The following KIF2B variants were observed in gnomAD, a reference collection of about 807,000 sequenced individuals.
KIF2B encodes the protein kinesin family member 2B.
A neutral mutation model predicts 6.8 loss-of-function variants in KIF2B; 5 were observed. The observed-to-expected ratio is 0.74, with a 90% confidence interval of 0.39 to 1.55. The LOEUF (loss-of-function observed/expected upper bound fraction) is 1.55. Ranked by LOEUF, KIF2B falls within the 40% of genes most tolerant of loss-of-function variation. KIF2B has a pLI of 0.03. For synonymous variants in KIF2B, 370 were observed against 330.7 expected (o/e 1.12, Z -1.29); for missense variants, 908 against 831.3 (o/e 1.09, Z -1.13).
At position 53,824,406 on chromosome 17, in the gene KIF2B, C is replaced by T. The variant is rs766880434; in HGVS notation, c.1373C>T (p.Thr458Ile). ...LAGNERGADT[T>I]KASRKRQLEG... is the part of the protein sequence containing the mutation. ...GGGAATGAAAGAGGAGCAGATACAACCAAGGCCAGCCGGAAAAGGCAGCTG... is the reference window on the plus strand; with the variant it reads ...GGGAATGAAAGAGGAGCAGATACAATCAAGGCCAGCCGGAAAAGGCAGCTG... Residue 458 changes from threonine to isoleucine, a missense_variant, in exon 1 of 1, where the codon ACC (threonine) becomes ATC (isoleucine). By Grantham distance (89) the Thr-to-Ile change is moderately conservative. Transcript: ENST00000268919. The T allele has an allele frequency of 1.5e-5, 24 of 1,614,116 alleles. No homozygotes were observed. In the South Asian group the frequency reaches 2.5e-4, roughly 17 times the overall value.
Position 53,823,348 on chromosome 17 carries a change from C to T in KIF2B, c.315C>T (p.Ala105=). ...CCTTGGCTCTGGCGCCCTCTTCGGC[C>T]ATCAGGGACCAGCGTACCGCCACGA... The part of the protein sequence containing the change: ...LSPLALAPSS[A]IRDQRTATKW... Residue 105 remains alanine, a synonymous_variant, in exon 1 of 1, where the codon GCC becomes GCT. Transcript: ENST00000268919. 6 of 1,614,128 alleles carry T rather than the reference C, an allele frequency of 3.7e-6. No homozygotes were observed. The highest frequency in any genetic ancestry group is 4.2e-6 in the Non-Finnish European group (5 of 1,180,026).
In KIF2B at chr17:53,823,400, A is replaced by T. The variant is rs1368812806; in HGVS notation, c.367A>T (p.Asn123Tyr). Residue 123 changes from asparagine to tyrosine, a missense_variant, in exon 1 of 1, where the codon AAC becomes TAC. Asn to Tyr is a moderately radical substitution (Grantham distance 143, BLOSUM62 -2). Coordinates refer to ENST00000268919, the MANE Select transcript of KIF2B (RefSeq NM_032559.5). ...ATGGGTTGCGATGATCCCCCAGAAA[A>T]ACCAAACAGCCTCAGGGGACAGCCT... The part of the protein sequence containing the change: ...TKWVAMIPQK[N>Y]QTASGDSLDV... 3 of 1,614,028 alleles carry T rather than the reference A, an allele frequency of 1.9e-6. No individual in the cohort carries two copies. The highest frequency in any genetic ancestry group is 2.5e-6 in the Non-Finnish European group (3 of 1,180,006).
In KIF2B at chr17:53,823,190, A is replaced by T. The variant is rs1906448170; in HGVS notation, c.157A>T (p.Asn53Tyr). 3 of 1,614,142 alleles carry T rather than the reference A, an allele frequency of 1.9e-6. No homozygotes were observed. The highest frequency in any genetic ancestry group is 1.7e-6 in the Non-Finnish European group (2 of 1,180,034). Reference protein sequence around the residue: ...LAVVTEINRENYWVTVEWVEK... With the variant: ...LAVVTEINREYYWVTVEWVEK... ...TGTGGTCACGGAGATCAACAGAGAA[A>T]ACTATTGGGTCACGGTAGAGTGGGT... is the stretch of plus-strand genomic sequence containing the variant. The change falls in exon 1 of 1, where the codon AAC (asparagine) becomes TAC (tyrosine). Residue 53 changes from asparagine to tyrosine, a missense_variant. Asn to Tyr is a moderately radical substitution (Grantham distance 143). Coordinates refer to ENST00000268919, the MANE Select transcript of KIF2B (RefSeq NM_032559.5).
rs1906515415 is a variant in KIF2B at position 53,824,639 on chromosome 17, T to C, written c.1606T>C (p.Tyr536His). Residue 536 changes from tyrosine (Y) to histidine (H), a missense_variant, in exon 1 of 1, where the codon TAT becomes CAT. Tyr to His is a moderately conservative substitution (Grantham distance 83, BLOSUM62 2). Coordinates refer to ENST00000268919, the MANE Select transcript of KIF2B (RefSeq NM_032559.5). ...SCENTLNTLRYANRVKKLNVD... is the reference protein window; with the variant it reads ...SCENTLNTLRHANRVKKLNVD... The stretch of plus-strand genomic sequence containing the variant: ...TGAAAACACTCTCAACACTTTAAGA[T>C]ATGCAAACAGAGTAAAAAAATTAAA... 6.2e-7 allele frequency: 1 copy of C among 1,613,992 alleles called. No homozygotes were observed. Among genetic ancestry groups the C allele is most frequent in the Non-Finnish European group, 8.5e-7 (1 of 1,180,032 alleles).
At position 53,824,067 on chromosome 17, in the gene KIF2B, A is replaced by G. The variant is rs1343420004; in HGVS notation, c.1034A>G (p.Tyr345Cys). Residue 345 changes from tyrosine to cysteine, a missense_variant, in exon 1 of 1, where the codon TAT (tyrosine) becomes TGT (cysteine). Physicochemically the swap from Tyr to Cys is radical, Grantham distance 194. Coordinates refer to ENST00000268919, the MANE Select transcript of KIF2B (RefSeq NM_032559.5). ...TTTCTCCTGCTCAGAAACTCCACAT[A>G]TGAGAAGCTGGACCTCAAAGTCTAT... ...DVFLLLRNST[Y>C]EKLDLKVYGT... 3 of 1,614,184 alleles carry G rather than the reference A, an allele frequency of 1.9e-6. No homozygotes were observed. Among genetic ancestry groups the G allele is most frequent in the East Asian group, 2.2e-5 (1 of 44,864 alleles).
chr17:53,824,727 T>A lies in KIF2B; in HGVS notation c.1694T>A (p.Leu565Ter). The A allele has an allele frequency of 6.2e-7, 1 of 1,614,208 alleles. No individual in the cohort carries two copies. Among genetic ancestry groups the A allele is most frequent in the South Asian group, 1.1e-5 (1 of 91,086 alleles). Residue 565 changes from leucine to a stop codon, truncating the protein, a stop_gained, in exon 1 of 1, where the codon TTA becomes TAA. Transcript: ENST00000268919. LOFTEE classifies it low-confidence loss of function (END_TRUNC). ...ATTGGACATGAGGCACCAAGGATGT[T>A]AAAAAGTCACATCGGAAATTCAGAA... ...YPIGHEAPRM[L>*]KSHIGNSEMS... is the part of the protein sequence containing the mutation.
At position 53,823,184 on chromosome 17, in the gene KIF2B, A is replaced by G; in HGVS notation, c.151A>G (p.Arg51Gly). Residue 51 changes from arginine to glycine, a missense_variant, in exon 1 of 1, where the codon AGA becomes GGA. Transcript: ENST00000268919. ...CCTCGCTGTGGTCACGGAGATCAAC[A>G]GAGAAAACTATTGGGTCACGGTAGA... Reference protein sequence around the residue: ...IHLAVVTEINRENYWVTVEWV... With the variant: ...IHLAVVTEINGENYWVTVEWV... The G allele has an allele frequency of 6.2e-7, 1 of 1,614,214 alleles. No homozygotes were observed. The highest frequency in any genetic ancestry group is 1.1e-5 in the South Asian group (1 of 91,088).
rs374320401 is a variant in KIF2B, at chr17:53,824,657, A to G, written c.1624A>G (p.Lys542Glu). The change falls in exon 1 of 1, where the codon AAA becomes GAA. Residue 542 changes from lysine (K) to glutamate (E), a missense_variant. By Grantham distance (56) the Lys-to-Glu change is moderately conservative. Coordinates refer to ENST00000268919, the MANE Select transcript of KIF2B (RefSeq NM_032559.5). ...NTLRYANRVKKLNVDVRPYHR... is the reference protein window; with the variant it reads ...NTLRYANRVKELNVDVRPYHR... ...TTTAAGATATGCAAACAGAGTAAAA[A>G]AATTAAATGTAGATGTAAGGCCCTA... 2 of 1,614,050 alleles carry G rather than the reference A, an allele frequency of 1.2e-6. No individual in the cohort carries two copies. Among genetic ancestry groups the G allele is most frequent in the Non-Finnish European group, 1.7e-6 (2 of 1,180,046 alleles).
chr17:53,824,786 C>G lies in KIF2B; in HGVS notation c.1753C>G (p.Pro585Ala), dbSNP rs749285006. 6.2e-7 allele frequency: 1 copy of G among 1,613,976 alleles called. No homozygotes were observed. Among genetic ancestry groups the G allele is most frequent in the Non-Finnish European group, 8.5e-7 (1 of 1,179,978 alleles). The change falls in exon 1 of 1, where the codon CCT becomes GCT. Residue 585 changes from proline to alanine, a missense_variant. Coordinates refer to ENST00000268919, the MANE Select transcript of KIF2B (RefSeq NM_032559.5). ...SLQRDEFIKIPYVQSEEQKEI... is the reference protein window; with the variant it reads ...SLQRDEFIKIAYVQSEEQKEI... ...TCAGAGGGATGAATTTATTAAAATA[C>G]CTTATGTACAGAGTGAGGAGCAGAA...
Position 53,823,676 on chromosome 17 carries a change from T to C in KIF2B, c.643T>C (p.Cys215Arg), listed in dbSNP as rs2143781036. ...VLEPPQEHRI[C>R]VCVRKRPLNQ... is the part of the protein sequence containing the mutation. ...GGAGCCCCCGCAAGAACATCGCATC[T>C]GCGTCTGCGTGAGGAAGCGGCCTCT... The change falls in exon 1 of 1, where the codon TGC becomes CGC. Residue 215 changes from cysteine to arginine, a missense_variant. By Grantham distance (180) the Cys-to-Arg change is radical. Transcript: ENST00000268919. The C allele has an allele frequency of 6.2e-7, 1 of 1,614,142 alleles. No homozygotes were observed. Among genetic ancestry groups the C allele is most frequent in the Non-Finnish European group, 8.5e-7 (1 of 1,180,038 alleles).
rs1906454720 is a variant in KIF2B at position 53,823,360 on chromosome 17, G to T, written c.327G>T (p.Gln109His). ...CGCCCTCTTCGGCCATCAGGGACCA[G>T]CGTACCGCCACGAAATGGGTTGCGA... ...ALAPSSAIRDQRTATKWVAMI... is the reference protein window; with the variant it reads ...ALAPSSAIRDHRTATKWVAMI... The change falls in exon 1 of 1, where the codon CAG becomes CAT. Residue 109 changes from glutamine (Q) to histidine (H), a missense_variant. Transcript: ENST00000268919. 1 of 1,613,976 alleles carries T rather than the reference G, an allele frequency of 6.2e-7. No individual in the cohort carries two copies.
In KIF2B at chr17:53,823,411, C is replaced by T. The variant is rs2143779355; in HGVS notation, c.378C>T (p.Ala126=). The T allele has an allele frequency of 6.2e-7, 1 of 1,614,190 alleles. No individual in the cohort carries two copies. Among genetic ancestry groups the T allele is most frequent in the Non-Finnish European group, 8.5e-7 (1 of 1,180,042 alleles). Residue 126 remains alanine (A), a synonymous_variant, in exon 1 of 1, where the codon GCC becomes GCT. Transcript: ENST00000268919. ...TGATCCCCCAGAAAAACCAAACAGC[C>T]TCAGGGGACAGCCTGGATGTGAGGG... ...VAMIPQKNQT[A]SGDSLDVRVP...
Position 53,823,657 on chromosome 17 carries a change from C to T in KIF2B, c.624C>T (p.Pro208=), listed in dbSNP as rs765496103. 2.8e-5 allele frequency: 45 copies of T among 1,613,874 alleles called. No homozygotes were observed. The South Asian group carries it at 4.4e-4, about 16-fold the overall frequency. The change falls in exon 1 of 1, where the codon CCC becomes CCT. Residue 208 remains proline, a synonymous_variant. Coordinates refer to ENST00000268919, the MANE Select transcript of KIF2B (RefSeq NM_032559.5). ...LDSSKISVLE[P]PQEHRICVCV... is the part of the protein sequence containing the mutation. The stretch of plus-strand genomic sequence containing the variant: ...GCAGCAAGATCTCAGTCCTGGAGCC[C>T]CCGCAAGAACATCGCATCTGCGTCT...
chr17:53,823,562 G>C lies in KIF2B; in HGVS notation c.529G>C (p.Asp177His), dbSNP rs201369720. The C allele has an allele frequency of 4.9e-5, 79 of 1,613,228 alleles. 1 individual carries two copies. In the South Asian group the frequency reaches 7.8e-4, roughly 16 times the overall value. Residue 177 changes from aspartate to histidine, a missense_variant, in exon 1 of 1, where the codon GAT becomes CAT. Asp to His is a moderately conservative substitution (Grantham distance 81). Transcript: ENST00000268919. ...GGAGATCCGAGCTAGACGCGCCCTC[G>C]ATGTCAATACCAGAAACCCCAACTA... ...QQEIRARRAL[D>H]VNTRNPNYEI...
In KIF2B at chr17:53,823,679, G is replaced by A. The variant is rs369005833; in HGVS notation, c.646G>A (p.Val216Ile). 1.2e-6 allele frequency: 2 copies of A among 1,614,000 alleles called. No homozygotes were observed. The highest frequency in any genetic ancestry group is 1.7e-6 in the Non-Finnish European group (2 of 1,180,034). ...GCCCCCGCAAGAACATCGCATCTGCGTCTGCGTGAGGAAGCGGCCTCTCAA... is the reference window on the plus strand; with the variant it reads ...GCCCCCGCAAGAACATCGCATCTGCATCTGCGTGAGGAAGCGGCCTCTCAA... ...LEPPQEHRIC[V>I]CVRKRPLNQR... Residue 216 changes from valine to isoleucine, a missense_variant, in exon 1 of 1, where the codon GTC becomes ATC. Transcript: ENST00000268919.
chr17:53,824,527 A>T lies in KIF2B; in HGVS notation c.1494A>T (p.Lys498Asn), dbSNP rs1462705463. Residue 498 changes from lysine (K) to asparagine (N), a missense_variant, in exon 1 of 1, where the codon AAA (lysine) becomes AAT (asparagine). Coordinates refer to ENST00000268919, the MANE Select transcript of KIF2B (RefSeq NM_032559.5). ...CTCACACCCCATTCAGAGCCAGCAA[A>T]CTCACACTGGTGCTCCGGGACTCCT... The part of the protein sequence containing the change: ...NKPHTPFRAS[K>N]LTLVLRDSFI... 1 of 1,614,052 alleles carries T rather than the reference A, an allele frequency of 6.2e-7. No homozygotes were observed. The highest frequency in any genetic ancestry group is 1.1e-5 in the South Asian group (1 of 91,078).
In KIF2B at chr17:53,824,370, T is replaced by C. The variant is rs377135935; in HGVS notation, c.1337T>C (p.Val446Ala). ...ATAATGCATGGCAAGTTTTCCCTCG[T>C]TGATTTAGCTGGGAATGAAAGAGGA... is the stretch of plus-strand genomic sequence containing the variant. ...GRIMHGKFSL[V>A]DLAGNERGAD... The change falls in exon 1 of 1, where the codon GTT (valine) becomes GCT (alanine). Residue 446 changes from valine (V) to alanine (A), a missense_variant. By Grantham distance (64) the Val-to-Ala change is moderately conservative (BLOSUM62 0). Transcript: ENST00000268919. 8.1e-6 allele frequency: 13 copies of C among 1,614,006 alleles called. No homozygotes were observed. The African/African-American group carries it at 1.3e-4, about 17-fold the overall frequency.
chr17:53,824,245 G>A lies in KIF2B; in HGVS notation c.1212G>A (p.Val404=). Residue 404 remains valine, a synonymous_variant, in exon 1 of 1, where the codon GTG becomes GTA. Coordinates refer to ENST00000268919, the MANE Select transcript of KIF2B (RefSeq NM_032559.5). ...VCCVEEVLNL[V]EIGNSCRTSR... Reference sequence around the variant, plus strand: ...GTGTGGAGGAAGTGCTGAACCTGGTGGAAATAGGGAATAGCTGTCGGACTT... The same window carrying A: ...GTGTGGAGGAAGTGCTGAACCTGGTAGAAATAGGGAATAGCTGTCGGACTT... The A allele has an allele frequency of 1.2e-6, 2 of 1,614,138 alleles. No individual in the cohort carries two copies. The highest frequency in any genetic ancestry group is 1.1e-5 in the South Asian group (1 of 91,076).
Position 53,823,055 on chromosome 17 carries a change from C to T in KIF2B, c.22C>T (p.Pro8Ser), listed in dbSNP as rs2143777365. 1 of 1,613,918 alleles carries T rather than the reference C, an allele frequency of 6.2e-7. No homozygotes were observed. The highest frequency in any genetic ancestry group is 8.5e-7 in the Non-Finnish European group (1 of 1,179,832). The change falls in exon 1 of 1, where the codon CCT becomes TCT. Residue 8 changes from proline to serine, a missense_variant. By Grantham distance (74) the Pro-to-Ser change is moderately conservative. Transcript: ENST00000268919. ...CACCATGGCCAGCCAGTTCTGCCTCCCTGAATCCCCATGTCTCTCGCCCCT... is the reference window on the plus strand; with the variant it reads ...CACCATGGCCAGCCAGTTCTGCCTCTCTGAATCCCCATGTCTCTCGCCCCT... MASQFCL[P>S]ESPCLSPLKP...
Sources: allele counts gnomAD v4.1 joint callset, GRCh38; gene constraint gnomAD v4.1.1; transcripts MANE v1.5; gene names NCBI Gene and HGNC (gene_info 2026-07-23, HGNC 2026-07-21).